The following TRIP4 variants were observed in gnomAD, a reference collection of about 807,000 sequenced individuals.
The protein encoded by TRIP4 is thyroid hormone receptor interactor 4, also known as activating signal cointegrator 1.
Under a neutral mutation model 81.8 loss-of-function variants are expected in TRIP4, and 54 were observed. That is an observed-to-expected ratio of 0.66 (90% CI 0.53 to 0.83). The LOEUF (loss-of-function observed/expected upper bound fraction) is 0.83, where lower values mean the gene tolerates loss of function less well. Among genes scored for constraint, TRIP4 ranks in the 40% least tolerant of loss-of-function variants. The pLI, the probability that TRIP4 is intolerant of heterozygous loss-of-function variation, is 0.00. For synonymous variants in TRIP4, 270 were observed against 242.8 expected (o/e 1.11, Z -1.04); for missense variants, 662 against 683.6 (o/e 0.97, Z 0.35).
intron 9 of TRIP4, 51 bp from the exon 10 acceptor site, chr15:64,423,980 T>C: frequency 6.2e-7 from 1 of 1,608,968 alleles, no homozygotes; most frequent in Non-Finnish European, 8.5e-7. Context: ...TATGGGATAT[T>C]CCAGGAAACT....
intron 11 of TRIP4, among the ~76,000 whole-genome samples, chr15:64,427,059 A>T (rs1042266473): frequency 6.6e-6 from 1 of 152,188 alleles, no homozygotes; most frequent in Non-Finnish European, 1.5e-5. Context: ...TGAGCAGCAG[A>T]GGGAGCCGAA....
intron 11 of TRIP4, among the ~76,000 whole-genome samples, chr15:64,437,429 A>C (rs1199651799): frequency 6.6e-6 from 1 of 151,910 alleles, no homozygotes; most frequent in Admixed American, 6.6e-5. Flanking sequence ...AAAACAAAAA[A>C]GAAAAAAATG....
intron 3 of TRIP4, among the ~76,000 whole-genome samples, chr15:64,396,080 T>C (rs1351687091): frequency 6.6e-6 from 1 of 151,574 alleles, no homozygotes; most frequent in Non-Finnish European, 1.5e-5. Context: ...AGCTAATTTT[T>C]CGTATTTTAG....
chr15:64,387,880 C>A lies in TRIP4; in HGVS notation c.17C>A (p.Ala6Glu). 1 of 1,547,478 alleles carries A rather than the reference C, an allele frequency of 6.5e-7. No individual in the cohort carries two copies. Among genetic ancestry groups the A allele is most frequent in the Non-Finnish European group, 8.7e-7 (1 of 1,146,764 alleles). ...CTGGGGAAGATGGCGGTGGCTGGGG[C>A]GGTGTCCGGGGAGCCGCTGGTGCAC... MAVAGAVSGEPLVHWC... is the reference protein window; with the variant it reads MAVAGEVSGEPLVHWC... Residue 6 changes from alanine (A) to glutamate (E), a missense_variant, in exon 1 of 13, where the codon GCG becomes GAG. Transcript: ENST00000261884.
chr15:64,388,683 C>G (rs1229286782), intron 1 of TRIP4, among the ~76,000 whole-genome samples: 1 of 152,132 alleles, frequency 6.6e-6, no homozygotes, highest in East Asian at 1.9e-4. Flanking sequence ...GTCAATAGGA[C>G]CTAGAATTTA....
chr15:64,406,167 G>A (rs574941399), intron 5 of TRIP4, among the ~76,000 whole-genome samples, 163 bp from the exon 6 acceptor site: 2 of 152,340 alleles, frequency 1.3e-5, no homozygotes, highest in East Asian at 1.9e-4. Context: ...GCTTACTGCT[G>A]TACAGGTAAG....
intron 8 of TRIP4, among the ~76,000 whole-genome samples, chr15:64,416,224 C>G (rs892051156): frequency 6.6e-6 from 1 of 151,612 alleles, no homozygotes; most frequent in Non-Finnish European, 1.5e-5. Context: ...CAGTGAGACC[C>G]CATCTCTAAA....
intron 9 of TRIP4, among the ~76,000 whole-genome samples, 181 bp from the exon 10 acceptor site, chr15:64,423,850 C>T (rs1261593684): frequency 1.3e-5 from 2 of 152,138 alleles, no homozygotes; most frequent in African/African-American, 4.8e-5. Flanking sequence ...AGAGTTCATC[C>T]TCAAGTGAAA....
chr15:64,402,697 T>G (rs1891538395), intron 5 of TRIP4, among the ~76,000 whole-genome samples: 1 of 152,106 alleles, frequency 6.6e-6, no homozygotes, highest in African/African-American at 2.4e-5. Context: ...CTAATTTTTT[T>G]GTATTTTTAG....
chr15:64,414,150 G>A lies in TRIP4; in HGVS notation c.1109G>A (p.Arg370Lys). 6.2e-7 allele frequency: 1 copy of A among 1,614,132 alleles called. No homozygotes were observed. Among genetic ancestry groups the A allele is most frequent in the South Asian group, 1.1e-5 (1 of 91,084 alleles). The change falls in exon 8 of 13, where the codon AGA (arginine) becomes AAA (lysine). Residue 370 changes from arginine (R) to lysine (K), a missense_variant. Arg to Lys is a conservative substitution (Grantham distance 26). Transcript: ENST00000261884. ...TLNQPLTKLD[R>K]SSEEPLGVLV... ...AACCAGCCACTGACCAAATTGGATA[G>A]ATCTTCTGAAGAGCCTTTGGGAGTT... is the stretch of plus-strand genomic sequence containing the variant.
intron 1 of TRIP4, among the ~76,000 whole-genome samples, chr15:64,389,832 G>A (rs953466333): frequency 6.7e-6 from 1 of 149,844 alleles, no homozygotes; most frequent in Non-Finnish European, 1.5e-5. Flanking sequence ...AGCCCGAGCA[G>A]CTGGGATTAC....
intron 12 of TRIP4, among the ~76,000 whole-genome samples, chr15:64,450,159 C>G (rs536121522): frequency 2.0e-5 from 3 of 151,360 alleles, no homozygotes; most frequent in Non-Finnish European, 4.4e-5. Context: ...TTTGGGAGGC[C>G]GAGGCGGATC....
chr15:64,434,615 A>G (rs1892349366), intron 11 of TRIP4, among the ~76,000 whole-genome samples: 1 of 152,154 alleles, frequency 6.6e-6, no homozygotes. Flanking sequence ...TATTCTGAAG[A>G]TGGGAAGACC....
intron 11 of TRIP4, among the ~76,000 whole-genome samples, chr15:64,426,743 G>A (rs1892156410): frequency 6.8e-6 from 1 of 146,966 alleles, no homozygotes; most frequent in South Asian, 2.2e-4. Context: ...GCTCACGCCT[G>A]TAATCCCAGT....
intron 11 of TRIP4, among the ~76,000 whole-genome samples, chr15:64,439,233 T>A (rs1007229924): frequency 6.6e-6 from 1 of 152,210 alleles, no homozygotes; most frequent in African/African-American, 2.4e-5. Context: ...AAATGAGAAC[T>A]GTTTATCACA....
chr15:64,446,568 C>G (rs562111878), intron 12 of TRIP4, among the ~76,000 whole-genome samples: 10 of 151,174 alleles, frequency 6.6e-5, no homozygotes, highest in Non-Finnish European at 5.9e-5. Context: ...CCACTCCTGG[C>G]TAATTTTTGT....
At chr15:64,423,940 G>A in intron 9 of TRIP4, 91 bp from the exon 10 acceptor site, 1 of 1,515,120 alleles carries the variant, frequency 6.6e-7, no homozygotes, top group African/African-American at 1.4e-5. Context: ...TGGTTCAACT[G>A]GATAATTTGC....
intron 9 of TRIP4, among the ~76,000 whole-genome samples, chr15:64,422,878 C>T (rs1892050097): frequency 6.6e-6 from 1 of 152,110 alleles, no homozygotes; most frequent in African/African-American, 2.4e-5. Context: ...TGGTTCATTC[C>T]CCATATCGTG....
chr15:64,411,611 A>G lies in TRIP4; in HGVS notation c.1043+1783A>G, dbSNP rs115378112. Among the ~76,000 whole-genome samples the G allele has an allele frequency of 4.4e-3, 674 of 152,316 alleles. 8 individuals are homozygous for G. Among genetic ancestry groups the G allele is most frequent in the African/African-American group, 0.015 (629 of 41,586 alleles). ...ACATATTGAGACCCCACCTTAAAAA[A>G]AAGTCTATTAACATAAATACATAAA... On this transcript the variant is annotated intron_variant, in intron 7 of 12. Coordinates refer to ENST00000261884, the MANE Select transcript of TRIP4 (RefSeq NM_016213.5).
Sources: allele counts gnomAD v4.1 joint callset (sites outside exome capture counted in the v4.1 genomes callset), GRCh38; gene constraint gnomAD v4.1.1; transcripts MANE v1.5; gene names NCBI Gene and HGNC (gene_info 2026-07-23, HGNC 2026-07-21).